Variants in FAM98C observed in about 807,000 individuals in gnomAD.
The protein encoded by FAM98C is tRNA splicing ligase complex subunit 3C.
In FAM98C, 38 loss-of-function variants were observed where a neutral mutation model predicts 41.1. That is an observed-to-expected ratio of 0.92 (90% CI 0.71 to 1.21). The LOEUF is 1.21. FAM98C is among the 50% of genes most tolerant of loss of function. The pLI is 0.00. For missense variants in FAM98C, 493 were observed against 484.7 expected, an observed-to-expected ratio of 1.02 and a Z score of -0.16; for synonymous variants, 195 against 216.7, an observed-to-expected ratio of 0.90 and a Z score of 0.88.
At position 38,404,839 on chromosome 19, in the gene FAM98C, C is replaced by A. The variant is rs1030510546; in HGVS notation, c.350-69C>A. Reference sequence around the variant, plus strand: ...CCACCGCACCCGGCCATCAGTGGAGCTTTTTGACCAAGATGGATGAGTGGG... The same window carrying A: ...CCACCGCACCCGGCCATCAGTGGAGATTTTTGACCAAGATGGATGAGTGGG... On this transcript the variant is annotated intron_variant, in intron 3 of 7. Coordinates refer to ENST00000252530, the MANE Select transcript of FAM98C (RefSeq NM_174905.4). 6.4e-6 allele frequency: 10 copies of A among 1,572,530 alleles called. No homozygotes were observed. The African/African-American group carries it at 1.2e-4, about 19-fold the overall frequency.
chr19:38,403,535 A>T, intron 2 of FAM98C, 25 bp from the exon 3 acceptor site: 1 of 1,460,792 alleles, frequency 6.8e-7, no homozygotes, highest in East Asian at 2.9e-5. Flanking sequence ...GGGGCCACCG[A>T]GCCCTGACAC....
chr19:38,408,775 C>T lies in FAM98C; in HGVS notation c.943C>T (p.Arg315Trp), dbSNP rs551110568. The T allele has an allele frequency of 1.2e-5, 20 of 1,613,632 alleles. No individual in the cohort carries two copies. Among genetic ancestry groups the T allele is most frequent in the South Asian group, 3.3e-5 (3 of 91,048 alleles). ...GGTGCTTATGGGCAACGTTCCAGAC[C>T]GGGGGGGCCGCCCAAATGAGCTGGA... ...NKVLMGNVPD[R>W]GGRPNELEPP... The change falls in exon 8 of 8, where the codon CGG becomes TGG. Residue 315 changes from arginine to tryptophan, a missense_variant. By Grantham distance (101) the Arg-to-Trp change is moderately radical. Coordinates refer to ENST00000252530, the MANE Select transcript of FAM98C (RefSeq NM_174905.4).
chr19:38,405,181 T>A (rs761266876), intron 4 of FAM98C, 68 bp downstream of exon 4: 4 of 1,550,510 alleles, frequency 2.6e-6, no homozygotes, highest in Non-Finnish European at 3.5e-6. Flanking sequence ...GGGTCCTCTC[T>A]CCACTTCTGG....
Position 38,403,149 on chromosome 19 carries a change from C to T in FAM98C, c.-5C>T, listed in dbSNP as rs771291316. 2.0e-6 allele frequency: 3 copies of T among 1,526,838 alleles called. No homozygotes were observed. In the South Asian group the frequency reaches 3.7e-5, roughly 19 times the overall value. 94.6% of individuals were successfully genotyped at this position (1,526,838 alleles called of 1,614,324 possible). On this transcript the variant is annotated 5_prime_UTR_variant, in exon 1 of 8. Transcript: ENST00000252530. ...CGCCAGGGGGCGCGCCGAGACCACA[C>T]TTTCATGGAGGCGGTGAAGGCGGAA...
At position 38,409,052 on chromosome 19, in the gene FAM98C, A is replaced by T; in HGVS notation, c.*170A>T. On this transcript the variant is annotated 3_prime_UTR_variant, in exon 8 of 8. Coordinates refer to ENST00000252530, the MANE Select transcript of FAM98C (RefSeq NM_174905.4). Reference sequence around the variant, plus strand: ...CCCATTCACGTCAATACCAAGAACCATGTTCTCCAGAGAATAAATTTAATT... The same window carrying T: ...CCCATTCACGTCAATACCAAGAACCTTGTTCTCCAGAGAATAAATTTAATT... The T allele has an allele frequency of 1.9e-6, 1 of 525,956 alleles. No homozygotes were observed. Among genetic ancestry groups the T allele is most frequent in the Non-Finnish European group, 3.0e-6 (1 of 329,418 alleles). 32.6% of individuals were successfully genotyped at this position (525,956 alleles called of 1,614,324 possible).
At chr19:38,408,532 C>T in intron 7 of FAM98C, 1 of 534,114 alleles carries the variant, frequency 1.9e-6, no homozygotes, top group Non-Finnish European at 3.3e-6. Flanking sequence ...GCACTCCAGC[C>T]TGGGCAACAG....
chr19:38,403,735 G>A (rs1971000371), intron 3 of FAM98C, 41 bp downstream of exon 3: 6 of 1,372,072 alleles, frequency 4.4e-6, no homozygotes, highest in South Asian at 1.8e-5. Flanking sequence ...CATGGCCTCC[G>A]GAGCGGCGGG....
rs1198243809 is a variant in FAM98C, at chr19:38,403,702, C to A, written c.349+8C>A. The A allele has an allele frequency of 5.7e-6, 8 of 1,403,778 alleles. No individual in the cohort carries two copies. The highest frequency in any genetic ancestry group is 7.4e-6 in the Non-Finnish European group (8 of 1,088,392). 87.0% of individuals were successfully genotyped at this position (1,403,778 alleles called of 1,614,324 possible). A position where few individuals can be genotyped will look rare whatever the true frequency, so the allele number is the denominator to read the frequency against. On this transcript the variant is annotated splice_region_variant and intron_variant, in intron 3 of 7. Transcript: ENST00000252530. ...CCGGACTGCGCCTGCTGCGTGAGTC[C>A]CGGGATGCAGAAGTGGCAAGGCCAT... is the stretch of plus-strand genomic sequence containing the variant.
At position 38,407,280 on chromosome 19, in the gene FAM98C, A is replaced by G. The variant is rs573738471; in HGVS notation, c.918+203A>G. On this transcript the variant is annotated intron_variant, in intron 7 of 7. Transcript: ENST00000252530. ...CGTGGCTCCCTAATGATCTGAAAAC[A>G]AAGTCTAGCTATTTACTGAGTCCCT... 1,348 of 586,988 alleles carry G rather than the reference A, an allele frequency of 2.3e-3. 2 individuals are homozygous for G. Among genetic ancestry groups the G allele is most frequent in the Non-Finnish European group, 3.4e-3 (1,131 of 336,234 alleles). 36.4% of individuals were successfully genotyped at this position (586,988 alleles called of 1,614,324 possible).
At chr19:38,408,619 T>A in intron 7 of FAM98C, 132 bp from the exon 8 acceptor site, 2 of 1,159,040 alleles carry the variant, frequency 1.7e-6, no homozygotes, top group Non-Finnish European at 1.3e-6. Context: ...CAGTCCCCCC[T>A]CCCCCAGCCA....
At chr19:38,404,062 G>C (rs1971005441) in intron 3 of FAM98C, among the ~76,000 whole-genome samples, 1 of 151,338 alleles carries the variant, frequency 6.6e-6, no homozygotes, top group African/African-American at 2.4e-5. Context: ...CACCACACTC[G>C]GCTATTTTTA....
chr19:38,406,724 G>T (rs537249317), intron 6 of FAM98C, 186 bp from the exon 7 acceptor site: 1 of 588,982 alleles, frequency 1.7e-6, no homozygotes, highest in South Asian at 2.3e-5. Flanking sequence ...GATTGAGGCT[G>T]CAGTGAGCCA....
At chr19:38,404,687 T>C (rs927269238) in intron 3 of FAM98C, 2 of 507,742 alleles carry the variant, frequency 3.9e-6, no homozygotes, top group African/African-American at 1.9e-5. Flanking sequence ...CTCACCACTA[T>C]GTCCTGCTAA....
chr19:38,404,906 A>T lies in FAM98C; in HGVS notation c.350-2A>T, dbSNP rs535087927. On this transcript the variant is annotated splice_acceptor_variant, in intron 3 of 7. Coordinates refer to ENST00000252530, the MANE Select transcript of FAM98C (RefSeq NM_174905.4). LOFTEE classifies it high-confidence loss of function. ...TGCACAGCACCCATTTATTACTTTC[A>T]GGCTTTCTCTGCTCAGAGCTCCAAG... 6 of 1,613,906 alleles carry T rather than the reference A, an allele frequency of 3.7e-6. No homozygotes were observed. Among genetic ancestry groups the T allele is most frequent in the Non-Finnish European group, 1.7e-6 (2 of 1,180,006 alleles).
Position 38,404,994 on chromosome 19 carries a change from G to A in FAM98C, c.436G>A (p.Gly146Arg). 6.2e-7 allele frequency: 1 copy of A among 1,614,214 alleles called. No individual in the cohort carries two copies. Among genetic ancestry groups the A allele is most frequent in the South Asian group, 1.1e-5 (1 of 91,088 alleles). ...DPSPRPPLGE[G>R]VVEGAGMVQE... ...GAGTCCTAGGCCACCCCTTGGTGAA[G>A]GGGTAGTGGAGGGAGCCGGCATGGT... The change falls in exon 4 of 8, where the codon GGG (glycine) becomes AGG (arginine). Residue 146 changes from glycine (G) to arginine (R), a missense_variant. Coordinates refer to ENST00000252530, the MANE Select transcript of FAM98C (RefSeq NM_174905.4).
In FAM98C at chr19:38,405,523, C is replaced by A; in HGVS notation, c.638C>A (p.Ala213Glu). ...CCTTGAGACCTTTTCTCCCAGGAAGCGTTGGAGTCTCTGTCCCAAAGCCTC... is the reference window on the plus strand; with the variant it reads ...CCTTGAGACCTTTTCTCCCAGGAAGAGTTGGAGTCTCTGTCCCAAAGCCTC... ...SCSLDAPRWE[A>E]LESLSQSLRD... Residue 213 changes from alanine (A) to glutamate (E), a missense_variant, in exon 6 of 8, where the codon GCG becomes GAG. Coordinates refer to ENST00000252530, the MANE Select transcript of FAM98C (RefSeq NM_174905.4). The A allele has an allele frequency of 6.2e-7, 1 of 1,614,178 alleles. No individual in the cohort carries two copies. Among genetic ancestry groups the A allele is most frequent in the Non-Finnish European group, 8.5e-7 (1 of 1,180,042 alleles).
intron 2 of FAM98C, 23 bp from the exon 3 acceptor site, chr19:38,403,537 C>T: frequency 6.8e-7 from 1 of 1,461,842 alleles, no homozygotes; most frequent in Non-Finnish European, 9.0e-7. Flanking sequence ...GGCCACCGAG[C>T]CCTGACACCC....
At chr19:38,405,277 G>A (rs1971022798) in intron 4 of FAM98C, 67 bp from the exon 5 acceptor site, 5 of 1,570,756 alleles carry the variant, frequency 3.2e-6, no homozygotes, top group Non-Finnish European at 4.4e-6. Flanking sequence ...AGGGGTGTGG[G>A]GAGCTGAGTT....
intron 3 of FAM98C, among the ~76,000 whole-genome samples, chr19:38,404,450 C>T (rs1971010479): frequency 6.6e-6 from 1 of 152,170 alleles, no homozygotes; most frequent in Admixed American, 6.5e-5. Flanking sequence ...ATCCTCCCAC[C>T]TCAGCCTCCC....
Sources: gnomAD v4.1 joint callset for allele counts (sites outside exome capture counted in the v4.1 genomes callset) on GRCh38, gnomAD v4.1.1 for gene constraint, MANE v1.5 for transcripts, NCBI Gene and HGNC (gene_info 2026-07-23, HGNC 2026-07-21) for gene names.